Variants in JAK2 observed in about 807,000 individuals in gnomAD.
The protein encoded by JAK2 is tyrosine-protein kinase JAK2.
JAK2 carries 86 observed loss-of-function variants against 139.3 expected under a neutral mutation model. That is an observed-to-expected ratio of 0.62 (90% CI 0.52 to 0.74). The LOEUF (loss-of-function observed/expected upper bound fraction) is 0.74, where lower values mean the gene tolerates loss of function less well. JAK2 is among the 30% of genes least tolerant of loss of function. JAK2 has a pLI of 0.00. For missense variants in JAK2, 1,421 were observed against 1,360.3 expected (o/e 1.04, Z -0.70); for synonymous variants, 490 against 437.7 (o/e 1.12, Z -1.49).
intron 4 of JAK2, among the ~76,000 whole-genome samples, chr9:5,040,748 C>A (rs1816426583): frequency 6.6e-6 from 1 of 152,254 alleles, no homozygotes; most frequent in Non-Finnish European, 1.5e-5. Flanking sequence ...GCGTCCGGGA[C>A]CGTGGTGTGC....
chr9:4,986,590 G>T (rs1170009512), intron 2 of JAK2, among the ~76,000 whole-genome samples: 6 of 152,142 alleles, frequency 3.9e-5, no homozygotes, highest in Admixed American at 3.9e-4. Flanking sequence ...GATTGCTTTT[G>T]GTTTCATAAT....
intron 22 of JAK2, among the ~76,000 whole-genome samples, chr9:5,116,221 T>C (rs953156776): frequency 6.6e-5 from 10 of 152,200 alleles, no homozygotes; most frequent in Admixed American, 4.6e-4. Flanking sequence ...CAAGGTGGCA[T>C]GACTAGTAAA....
Position 5,069,054 on chromosome 9 carries a change from G to C in JAK2, c.1359G>C (p.Leu453Phe). The C allele has an allele frequency of 6.2e-7, 1 of 1,600,746 alleles. No individual in the cohort carries two copies. The highest frequency in any genetic ancestry group is 1.1e-5 in the South Asian group (1 of 88,648). ...RENVIEYKHC[L>F]ITKNENEEYN... ...ATGTCATTGAATATAAACACTGTTTGATTACAAAAAATGAGAATGAAGAGT... is the reference window on the plus strand; with the variant it reads ...ATGTCATTGAATATAAACACTGTTTCATTACAAAAAATGAGAATGAAGAGT... The change falls in exon 11 of 25, where the codon TTG becomes TTC. Residue 453 changes from leucine to phenylalanine, a missense_variant. Leu to Phe is a conservative substitution (Grantham distance 22, BLOSUM62 0). Transcript: ENST00000381652.
chr9:5,021,326 T>C (rs1334928288), intron 2 of JAK2, among the ~76,000 whole-genome samples: 2 of 152,236 alleles, frequency 1.3e-5, no homozygotes, highest in African/African-American at 4.8e-5. Context: ...CTAGTCAACC[T>C]TCTGGACCCC....
At chr9:5,040,261 T>C (rs776805453) in intron 4 of JAK2, among the ~76,000 whole-genome samples, 3 of 151,198 alleles carry the variant, frequency 2.0e-5, no homozygotes, top group Non-Finnish European at 4.4e-5. Flanking sequence ...TGTAAACTAA[T>C]GAAGTAAGAC....
Position 5,003,620 on chromosome 9 carries a change from T to A in JAK2, c.-26+17598T>A, listed in dbSNP as rs577430320. 4.6e-5 allele frequency among the ~76,000 whole-genome samples: 7 copies of A among 152,212 alleles called. 1 individual carries two copies. The South Asian group carries it at 1.4e-3, about 32-fold the overall frequency. ...CAGTGATTGGTAGATTCTTTTAAAT[T>A]TCCTACATATACAGACATGTCCTCT... On this transcript the variant is annotated intron_variant, in intron 2 of 24. Transcript: ENST00000381652.
At chr9:5,017,148 T>A (rs1038997080) in intron 2 of JAK2, among the ~76,000 whole-genome samples, 1 of 152,194 alleles carries the variant, frequency 6.6e-6, no homozygotes, top group African/African-American at 2.4e-5. Flanking sequence ...AATGCAGTAA[T>A]ATCTTTAAAG....
chr9:5,076,516 G>A (rs1819318465), intron 14 of JAK2, among the ~76,000 whole-genome samples: 1 of 152,030 alleles, frequency 6.6e-6, no homozygotes, highest in Non-Finnish European at 1.5e-5. Context: ...TTTTTAAAAA[G>A]ATATATTCTT....
At chr9:5,077,961 A>G (rs540244010) in intron 15 of JAK2, among the ~76,000 whole-genome samples, 1 of 152,206 alleles carries the variant, frequency 6.6e-6, no homozygotes, top group Non-Finnish European at 1.5e-5. Flanking sequence ...GCCAGTCATC[A>G]GACCCCTCAG....
chr9:4,992,743 A>G (rs1279330421), intron 2 of JAK2, among the ~76,000 whole-genome samples: 1 of 152,182 alleles, frequency 6.6e-6, no homozygotes, highest in Non-Finnish European at 1.5e-5. Flanking sequence ...TGTCCCCTGC[A>G]TACTTTACAA....
chr9:4,997,295 G>A, intron 2 of JAK2, among the ~76,000 whole-genome samples: 1 of 152,156 alleles, frequency 6.6e-6, no homozygotes, highest in East Asian at 1.9e-4. Flanking sequence ...ATAAAGAAAA[G>A]AGATTTAATT....
intron 22 of JAK2, chr9:5,098,614 C>T (rs1189961360): frequency 6.6e-6 from 1 of 152,132 alleles, no homozygotes; most frequent in Non-Finnish European, 1.5e-5. Context: ...AGTTAATAAT[C>T]CTTCCCTTAC....
chr9:5,081,994 T>C, intron 19 of JAK2, 133 bp downstream of exon 19: 2 of 723,398 alleles, frequency 2.8e-6, no homozygotes, highest in Admixed American at 2.7e-5. Context: ...TTGTCAGATG[T>C]TGGAGAAATG....
intron 22 of JAK2, 134 bp downstream of exon 22, chr9:5,091,045 C>A: frequency 3.8e-6 from 2 of 529,252 alleles, no homozygotes; most frequent in Non-Finnish European, 3.1e-6. Flanking sequence ...TTACATTTAA[C>A]TTTTTTTTTT....
intron 2 of JAK2, among the ~76,000 whole-genome samples, chr9:5,019,435 GT>G (rs1386549455): frequency 6.6e-6 from 1 of 151,820 alleles, no homozygotes; most frequent in Non-Finnish European, 1.5e-5. Flanking sequence ...ATCCTGAGTT[GT>G]TTTTCTGGTT....
At chr9:5,076,249 T>C (rs902128002) in intron 14 of JAK2, among the ~76,000 whole-genome samples, 5 of 152,206 alleles carry the variant, frequency 3.3e-5, no homozygotes, top group African/African-American at 1.2e-4. Flanking sequence ...GTTGCAGGGT[T>C]TGAGAGGACT....
intron 22 of JAK2, among the ~76,000 whole-genome samples, chr9:5,105,987 CAGGACATAGGTGTGGGCA>C (rs147905124): frequency 0.24 from 36,737 of 151,940 alleles, 4,814 homozygotes; most frequent in South Asian, 0.3. Flanking sequence ...CAATACCATT[CAGGACATAGGTGTGGGCA>C]AGGACTTCAT....
chr9:5,051,435 G>A (rs1395662433), intron 6 of JAK2, among the ~76,000 whole-genome samples: 3 of 152,062 alleles, frequency 2.0e-5, no homozygotes. Flanking sequence ...TCACGTGGGG[G>A]AGCCTGTTAA....
chr9:5,085,319 C>G, intron 19 of JAK2: 3 of 766,658 alleles, frequency 3.9e-6, no homozygotes, highest in Non-Finnish European at 2.4e-6. Context: ...AATACATCAT[C>G]TATTAGCTGA....
Sources: gnomAD v4.1 joint callset for allele counts (sites outside exome capture counted in the v4.1 genomes callset) on GRCh38, gnomAD v4.1.1 for gene constraint, MANE v1.5 for transcripts, NCBI Gene and HGNC (gene_info 2026-07-23, HGNC 2026-07-21) for gene names.